RXFP2: variants seen among roughly 807,000 people sequenced by gnomAD.
RXFP2 encodes the protein relaxin family peptide receptor 2.
A neutral mutation model predicts 88.6 loss-of-function variants in RXFP2; 68 were observed. The observed-to-expected ratio is 0.77, with a 90% CI of 0.63 to 0.94. RXFP2 has a LOEUF of 0.94. Among genes scored for constraint, RXFP2 ranks in the 40% least tolerant of loss-of-function variants. RXFP2 has a pLI of 0.00. For synonymous variants in RXFP2, 329 were observed against 306.8 expected (o/e 1.07, Z -0.76); for missense variants, 791 against 893.9 (o/e 0.88, Z 1.47).
chr13:31,741,133 T>C (rs1871211561), intron 1 of RXFP2, among the ~76,000 whole-genome samples: 3 of 152,092 alleles, frequency 2.0e-5, no homozygotes, highest in Admixed American at 6.5e-5. Flanking sequence ...CATCTATTAC[T>C]AAAATAACAT....
intron 1 of RXFP2, among the ~76,000 whole-genome samples, chr13:31,753,491 C>T (rs1871767440): frequency 6.6e-6 from 1 of 152,150 alleles, no homozygotes; most frequent in Admixed American, 6.5e-5. Context: ...ACTGCAGAAG[C>T]CATCAGCACT....
chr13:31,757,692 GACAAT>G (rs1329531285), intron 1 of RXFP2, among the ~76,000 whole-genome samples: 6 of 152,158 alleles, frequency 3.9e-5, no homozygotes, highest in Non-Finnish European at 7.3e-5. Flanking sequence ...ACAAATCTAG[GACAAT>G]ACATCTGGTT....
At chr13:31,772,478 A>G (rs530317795) in intron 5 of RXFP2, among the ~76,000 whole-genome samples, 1 of 152,354 alleles carries the variant, frequency 6.6e-6, no homozygotes, top group Non-Finnish European at 1.5e-5. Flanking sequence ...TAGAAAAGGC[A>G]TTCGGTGTAA....
Position 31,774,615 on chromosome 13 carries a change from A to T in RXFP2, c.498-5A>T. On this transcript the variant is annotated splice_polypyrimidine_tract_variant and splice_region_variant and intron_variant, in intron 5 of 17. Transcript: ENST00000298386. ...CACCTGACTCTCTTATCTTATTCCT[A>T]CCAGATTTCTTCAGCATAATTGCAT... The T allele has an allele frequency of 6.8e-7, 1 of 1,471,616 alleles. No individual in the cohort carries two copies. Among genetic ancestry groups the T allele is most frequent in the Non-Finnish European group, 9.5e-7 (1 of 1,050,246 alleles). The allele number at this position is 1,471,616 out of a possible 1,614,324, so 91.2% of individuals were successfully genotyped here.
intron 11 of RXFP2, among the ~76,000 whole-genome samples, chr13:31,785,756 T>C (rs1264481382): frequency 6.6e-6 from 1 of 152,180 alleles, no homozygotes; most frequent in Non-Finnish European, 1.5e-5. Context: ...AAGATTCATT[T>C]CTTCTGATTT....
At position 31,793,104 on chromosome 13, in the gene RXFP2, T is replaced by C. The variant is rs1453297008; in HGVS notation, c.1786+16T>C. 1.3e-6 allele frequency: 2 copies of C among 1,592,542 alleles called. No homozygotes were observed. Among genetic ancestry groups the C allele is most frequent in the Middle Eastern group, 3.4e-4 (2 of 5,870 alleles). ...ATTTTCCTAGGTAAATTATATTTTT[T>C]CATTTCCTGGAAAAACATAATTTTG... On this transcript the variant is annotated intron_variant, in intron 16 of 17. Transcript: ENST00000298386.
intron 9 of RXFP2, among the ~76,000 whole-genome samples, chr13:31,780,456 A>G (rs1873213218): frequency 6.6e-6 from 1 of 152,200 alleles, no homozygotes; most frequent in Non-Finnish European, 1.5e-5. Context: ...GGTGTTTGTT[A>G]TTTTTAATCA....
chr13:31,778,537 GC>G lies in RXFP2; in HGVS notation c.740del (p.Ala247ValfsTer23). ...FLSMVNNYLE[A>X]LPKQMCAQMP... ...GTCTATGGTTAATAACTACTTAGAA[GC>G]TCTTCCCAAGCAGATGTGTGCCCAA... On this transcript the variant is annotated frameshift_variant, in exon 9 of 18. Transcript: ENST00000298386. LOFTEE classifies it high-confidence loss of function. The G allele has an allele frequency of 6.2e-7, 1 of 1,611,084 alleles. No individual in the cohort carries two copies.
chr13:31,760,315 TC>T (rs1262435954), intron 2 of RXFP2, among the ~76,000 whole-genome samples: 4 of 152,188 alleles, frequency 2.6e-5, no homozygotes, highest in Non-Finnish European at 4.4e-5. Context: ...GGTCTGGAAC[TC>T]CTGACCTTAG....
At chr13:31,793,646 T>C (rs1359492151) in intron 16 of RXFP2, among the ~76,000 whole-genome samples, 1 of 152,176 alleles carries the variant, frequency 6.6e-6, no homozygotes, top group Non-Finnish European at 1.5e-5. Context: ...GACTCTGTGT[T>C]CTTTAGAAAT....
In RXFP2 at chr13:31,761,718, T is replaced by C. The variant is rs1036665708; in HGVS notation, c.242-6T>C. 6.3e-7 allele frequency: 1 copy of C among 1,596,148 alleles called. No homozygotes were observed. The highest frequency in any genetic ancestry group is 8.6e-7 in the Non-Finnish European group (1 of 1,163,760). ...TAAGTGACACATCTCAATCACTATT[T>C]CACAGGTGACACTAGTGGATGGGCG... On this transcript the variant is annotated splice_region_variant and splice_polypyrimidine_tract_variant and intron_variant, in intron 2 of 17. Coordinates refer to ENST00000298386, the MANE Select transcript of RXFP2 (RefSeq NM_130806.5).
chr13:31,764,569 T>G (rs1011030582), intron 3 of RXFP2, among the ~76,000 whole-genome samples: 2 of 152,212 alleles, frequency 1.3e-5, no homozygotes, highest in African/African-American at 4.8e-5. Flanking sequence ...TGGTAGAACC[T>G]GCATCTCAAT....
intron 15 of RXFP2, 53 bp from the exon 16 acceptor site, chr13:31,792,625 T>A: frequency 6.4e-7 from 1 of 1,563,508 alleles, no homozygotes; most frequent in Non-Finnish European, 8.8e-7. Context: ...ATCAGAAAAC[T>A]AAAACAGGGA....
chr13:31,752,798 C>T (rs576745656), intron 1 of RXFP2, among the ~76,000 whole-genome samples: 2 of 152,298 alleles, frequency 1.3e-5, no homozygotes, highest in African/African-American at 4.8e-5. Flanking sequence ...GCTGCTGCCC[C>T]CCTCAGAGAT....
intron 5 of RXFP2, among the ~76,000 whole-genome samples, chr13:31,771,402 C>T (rs1872730138): frequency 6.6e-6 from 1 of 152,166 alleles, no homozygotes; most frequent in South Asian, 2.1e-4. Context: ...TTGTGAACTG[C>T]ACATGCAAGG....
At chr13:31,777,523 T>G (rs116512879) in intron 8 of RXFP2, 76 bp downstream of exon 8, 141 of 1,150,632 alleles carry the variant, frequency 1.2e-4, no homozygotes, top group Non-Finnish European at 1.7e-4. Context: ...CAAAAAGAAC[T>G]TTTAAAAAAA....
chr13:31,753,934 A>G (rs925929727), intron 1 of RXFP2, among the ~76,000 whole-genome samples: 1 of 152,160 alleles, frequency 6.6e-6, no homozygotes, highest in Non-Finnish European at 1.5e-5. Flanking sequence ...TGGGGAATAC[A>G]TTGTATTCAT....
At chr13:31,802,050 T>C in intron 17 of RXFP2, 96 bp from the exon 18 acceptor site, 1 of 1,223,746 alleles carries the variant, frequency 8.2e-7, no homozygotes, top group Non-Finnish European at 1.2e-6. Context: ...GTACTATGTC[T>C]CCCTCTCATA....
At position 31,778,587 on chromosome 13, in the gene RXFP2, A is replaced by T. The variant is rs1483278566; in HGVS notation, c.785+4A>T. The T allele has an allele frequency of 1.9e-6, 3 of 1,595,100 alleles. No homozygotes were observed. Among genetic ancestry groups the T allele is most frequent in the Non-Finnish European group, 2.6e-6 (3 of 1,163,034 alleles). ...AAATGCCTCAACTCAACTGGGTGTG[A>T]GTATTTATTTAGGAATTAATTTGTT... On this transcript the variant is annotated splice_donor_region_variant and intron_variant, in intron 9 of 17. Transcript: ENST00000298386.
Sources: gnomAD v4.1 joint callset for allele counts (sites outside exome capture counted in the v4.1 genomes callset) on GRCh38, gnomAD v4.1.1 for gene constraint, MANE v1.5 for transcripts, NCBI Gene and HGNC (gene_info 2026-07-23, HGNC 2026-07-21) for gene names.